SEMA6D: variants seen among roughly 807,000 people sequenced by gnomAD.
SEMA6D encodes the protein semaphorin-6D.
SEMA6D carries 35 observed loss-of-function variants against 106.6 expected under a neutral mutation model. The ratio of observed to expected loss-of-function variants is 0.33; its 90% CI spans 0.25 to 0.44. The LOEUF (loss-of-function observed/expected upper bound fraction) is 0.44. SEMA6D is among the 20% of genes least tolerant of loss of function. SEMA6D has a pLI of 1.00. For synonymous variants in SEMA6D, 499 were observed against 487.7 expected, an observed-to-expected ratio of 1.02 and a Z score of -0.31; for missense variants, 1,185 against 1,345.9, an observed-to-expected ratio of 0.88 and a Z score of 1.87.
At chr15:47,595,844 C>T (rs1215123351) in intron 3 of SEMA6D, among the ~76,000 whole-genome samples, 2 of 151,906 alleles carry the variant, frequency 1.3e-5, no homozygotes, top group Non-Finnish European at 2.9e-5. Context: ...TTCTAGTTAT[C>T]CAATTTATTG....
rs553117305 is a variant in SEMA6D, at chr15:47,480,922, C to A, written c.-87+10377C>A. Among the ~76,000 whole-genome samples the A allele has an allele frequency of 9.9e-5, 15 of 152,270 alleles. No individual in the cohort carries two copies. In the East Asian group the frequency reaches 2.9e-3, roughly 29 times the overall value. ...CTCTTCCAGAAAGCCCTTCTTAAGA[C>A]CTCAGGCTGGGTTATGTGCACCTTT... On this transcript the variant is annotated intron_variant, in intron 3 of 19. Coordinates refer to the SEMA6D transcript ENST00000558014.
At chr15:47,741,949 G>A (rs1230904766) in intron 1 of SEMA6D, among the ~76,000 whole-genome samples, 1 of 152,174 alleles carries the variant, frequency 6.6e-6, no homozygotes, top group Non-Finnish European at 1.5e-5. Flanking sequence ...GTCCTGCGAG[G>A]AGAGCAGAGA....
At chr15:47,230,944 G>A (rs956383905) in intron 1 of SEMA6D, among the ~76,000 whole-genome samples, 5 of 151,958 alleles carry the variant, frequency 3.3e-5, no homozygotes, top group South Asian at 2.1e-4. Flanking sequence ...TTAGTCACTA[G>A]TGAGACTTTA....
In SEMA6D at chr15:47,773,242, C is replaced by T. The variant is rs981844793; in HGVS notation, c.*1457C>T. 1 of 152,542 alleles carries T rather than the reference C, an allele frequency of 6.6e-6. No homozygotes were observed. Among genetic ancestry groups the T allele is most frequent in the Non-Finnish European group, 1.5e-5 (1 of 68,016 alleles). 9.4% of individuals were successfully genotyped at this position (152,542 alleles called of 1,614,324 possible). ...TAGGACAATTATTTGTTACATAATC[C>T]GACCTCATAGCAGCATTACATTCTT... On this transcript the variant is annotated 3_prime_UTR_variant, in exon 19 of 19. Coordinates refer to ENST00000536845, the MANE Select transcript of SEMA6D (RefSeq NM_001358351.3).
chr15:47,600,638 T>C (rs1378769344), intron 3 of SEMA6D, among the ~76,000 whole-genome samples: 1 of 152,198 alleles, frequency 6.6e-6, no homozygotes, highest in East Asian at 1.9e-4. Flanking sequence ...CAGCTGAACA[T>C]ATTCCTAACT....
At chr15:47,335,508 T>C (rs1202366119) in intron 1 of SEMA6D, among the ~76,000 whole-genome samples, 4 of 152,098 alleles carry the variant, frequency 2.6e-5, no homozygotes, top group African/African-American at 9.7e-5. Flanking sequence ...ATGCTTCCTA[T>C]GCAAGCCATG....
At chr15:47,197,105 T>C (rs1194022999) in intron 1 of SEMA6D, among the ~76,000 whole-genome samples, 2 of 152,168 alleles carry the variant, frequency 1.3e-5, no homozygotes, top group Admixed American at 1.3e-4. Flanking sequence ...TAAGTACCTG[T>C]GGTGGTGGTT....
At chr15:47,506,606 A>ACACACACT (rs753424663) in intron 3 of SEMA6D, among the ~76,000 whole-genome samples, 70 of 151,062 alleles carry the variant, frequency 4.6e-4, no homozygotes, top group African/African-American at 1.6e-3. Flanking sequence ...ACAAACACAC[A>ACACACACT]CACACACACA....
chr15:47,713,740 C>G (rs1032413017), upstream of SEMA6D, among the ~76,000 whole-genome samples: 7 of 152,096 alleles, frequency 4.6e-5, no homozygotes, highest in Admixed American at 3.3e-4. Context: ...TTCATATCAA[C>G]TGGATAGTGA....
intron 3 of SEMA6D, among the ~76,000 whole-genome samples, chr15:47,523,371 A>T (rs910930322): frequency 6.6e-6 from 1 of 152,082 alleles, no homozygotes; most frequent in Non-Finnish European, 1.5e-5. Flanking sequence ...GGGGCTTCCC[A>T]ATGGAAGCCA....
At chr15:47,545,486 G>A (rs2045492478) in intron 3 of SEMA6D, among the ~76,000 whole-genome samples, 1 of 152,114 alleles carries the variant, frequency 6.6e-6, no homozygotes, top group Non-Finnish European at 1.5e-5. Flanking sequence ...CAGGGCCAGA[G>A]TGAGACATCA....
At chr15:47,462,839 T>C (rs1391066345) in intron 2 of SEMA6D, among the ~76,000 whole-genome samples, 1 of 152,114 alleles carries the variant, frequency 6.6e-6, no homozygotes, top group East Asian at 1.9e-4. Context: ...GGAGAAGGGC[T>C]GAAATAAAGC....
At chr15:47,379,330 C>G (rs74840458) in intron 1 of SEMA6D, among the ~76,000 whole-genome samples, 1 of 152,086 alleles carries the variant, frequency 6.6e-6, no homozygotes, top group Non-Finnish European at 1.5e-5. Flanking sequence ...AATTAAATCT[C>G]TAAAATAATA....
intron 1 of SEMA6D, among the ~76,000 whole-genome samples, chr15:47,311,585 C>T (rs765207446): frequency 6.6e-6 from 1 of 151,916 alleles, no homozygotes; most frequent in African/African-American, 2.4e-5. Flanking sequence ...GGTGTATTTC[C>T]ATTTCTTTCA....
At chr15:47,323,115 T>C (rs567338735) in intron 1 of SEMA6D, among the ~76,000 whole-genome samples, 1 of 152,284 alleles carries the variant, frequency 6.6e-6, no homozygotes, top group East Asian at 1.9e-4. Flanking sequence ...ATTGTCTATG[T>C]AAGTGTTGTG....
intron 3 of SEMA6D, among the ~76,000 whole-genome samples, chr15:47,480,575 C>A (rs892806375): frequency 1.3e-5 from 2 of 152,068 alleles, no homozygotes; most frequent in African/African-American, 2.4e-5. Context: ...TGTTTTCACA[C>A]CAAAATTCTG....
At chr15:47,548,286 G>A (rs2045582739) in intron 3 of SEMA6D, among the ~76,000 whole-genome samples, 1 of 152,190 alleles carries the variant, frequency 6.6e-6, no homozygotes, top group Non-Finnish European at 1.5e-5. Flanking sequence ...TTAGTAGGCA[G>A]CATGGAGAGG....
At position 47,768,833 on chromosome 15, in the gene SEMA6D, T is replaced by A. The variant is rs1026447489; in HGVS notation, c.1933+85T>A. The stretch of plus-strand genomic sequence containing the variant: ...TGAGGAGTATGTGGTTCTCCAGAGG[T>A]GGGCCTCACAGGAGCTTCTGCGGTT... On this transcript the variant is annotated intron_variant, in intron 18 of 18. Transcript: ENST00000536845. 3.7e-6 allele frequency: 5 copies of A among 1,347,538 alleles called. No homozygotes were observed. The East Asian group carries it at 9.4e-5, about 25-fold the overall frequency. The allele number at this position is 1,347,538 out of a possible 1,614,324, so 83.5% of individuals were successfully genotyped here.
chr15:47,465,589 C>A (rs142195018), intron 2 of SEMA6D, among the ~76,000 whole-genome samples: 2 of 152,062 alleles, frequency 1.3e-5, no homozygotes, highest in Non-Finnish European at 2.9e-5. Context: ...ATTGTGGGGG[C>A]GGACTTTTTC....
Sources: gnomAD v4.1 joint callset for allele counts (sites outside exome capture counted in the v4.1 genomes callset) on GRCh38, gnomAD v4.1.1 for gene constraint, MANE v1.5 for transcripts, NCBI Gene and HGNC (gene_info 2026-07-23, HGNC 2026-07-21) for gene names.